ERMP1: variants seen among roughly 807,000 people sequenced by gnomAD.
ERMP1 encodes Felix-ina.
A neutral mutation model predicts 92.0 loss-of-function variants in ERMP1; 86 were observed. The ratio of observed to expected loss-of-function variants is 0.93; its 90% CI spans 0.79 to 1.12. The LOEUF (loss-of-function observed/expected upper bound fraction) is 1.12, where lower values mean the gene tolerates loss of function less well. Ranked by LOEUF, ERMP1 falls within the 50% of genes most tolerant of loss-of-function variation. The pLI, the probability that ERMP1 is intolerant of heterozygous loss-of-function variation, is 0.00. For missense variants in ERMP1, 1,342 were observed against 1,116.3 expected (o/e 1.20, Z -2.88); for synonymous variants, 530 against 412.8 (o/e 1.28, Z -3.44).
At chr9:5,792,298 A>G (rs1203729653) in intron 13 of ERMP1, among the ~76,000 whole-genome samples, 1 of 152,234 alleles carries the variant, frequency 6.6e-6, no homozygotes, top group Non-Finnish European at 1.5e-5. Flanking sequence ...GATATTTGAA[A>G]GATAAACTGG....
chr9:5,796,921 T>C (rs758446824), intron 13 of ERMP1, among the ~76,000 whole-genome samples: 2 of 152,118 alleles, frequency 1.3e-5, no homozygotes, highest in Non-Finnish European at 2.9e-5. Context: ...GGTGCATCAG[T>C]TTTAACAAAT....
intron 4 of ERMP1, among the ~76,000 whole-genome samples, chr9:5,819,936 A>G (rs1829465975): frequency 6.6e-6 from 1 of 152,206 alleles, no homozygotes; most frequent in African/African-American, 2.4e-5. Context: ...ATTGATTATG[A>G]TGATGATTGC....
At chr9:5,791,294 A>C (rs1019588704) in intron 13 of ERMP1, 9 of 456,476 alleles carry the variant, frequency 2.0e-5, no homozygotes, top group Middle Eastern at 3.4e-4. Context: ...TGAAGAAAAA[A>C]GTCACAGTAT....
rs1829154861 is a variant in ERMP1 at position 5,812,879 on chromosome 9, G to T, written c.1021+10C>A. The stretch of plus-strand genomic sequence containing the variant: ...TGCTGCACAGTAGGCCGTAACCATT[G>T]ACAATATACCTGGAATGTTCCCAAA... On this transcript the variant is annotated intron_variant, in intron 5 of 14. Coordinates refer to ENST00000339450, the MANE Select transcript of ERMP1 (RefSeq NM_024896.3). 1.2e-6 allele frequency: 2 copies of T among 1,613,650 alleles called. No homozygotes were observed. The highest frequency in any genetic ancestry group is 8.5e-7 in the Non-Finnish European group (1 of 1,179,808).
At chr9:5,834,977 ATGTGTGTGTGTGTGTGTGTGTGTG>A (rs71326191), upstream of ERMP1, among the ~76,000 whole-genome samples, 69 of 125,198 alleles carry the variant, frequency 5.5e-4, no homozygotes, top group Non-Finnish European at 8.5e-4. Context: ...GGATAGATAG[ATGTGTGTGTGTGTGTGTGTGTGTG>A]TGTGTGTGTG....
In ERMP1 at chr9:5,825,148, C is replaced by T; in HGVS notation, c.712G>A (p.Ala238Thr). 6.2e-7 allele frequency: 1 copy of T among 1,614,108 alleles called. No homozygotes were observed. Among genetic ancestry groups the T allele is most frequent in the Non-Finnish European group, 8.5e-7 (1 of 1,179,948 alleles). Residue 238 changes from alanine (A) to threonine (T), a missense_variant, in exon 3 of 15, where the codon GCC (alanine) becomes ACC (threonine). Transcript: ENST00000339450. ...VLRVLSTSSE[A>T]LHHAVIFLFN... is the part of the protein sequence containing the mutation. ...AGAAATATGACAGCATGATGCAAGG[C>T]TTCTGAAGATGTTGACAAGACGCGA...
intron 5 of ERMP1, among the ~76,000 whole-genome samples, chr9:5,865,636 C>T (rs1434782135): frequency 6.6e-6 from 1 of 151,328 alleles, no homozygotes; most frequent in Non-Finnish European, 1.5e-5. Context: ...AGTTTGAGAC[C>T]AGCCTGGCCA....
chr9:5,789,452 T>G (rs1441426507), intron 13 of ERMP1, among the ~76,000 whole-genome samples: 2 of 152,226 alleles, frequency 1.3e-5, no homozygotes, highest in Non-Finnish European at 2.9e-5. Flanking sequence ...AAAACCAATT[T>G]TAACCATACA....
At chr9:5,795,901 G>A (rs143553546) in intron 13 of ERMP1, among the ~76,000 whole-genome samples, 3 of 152,224 alleles carry the variant, frequency 2.0e-5, no homozygotes, top group African/African-American at 4.8e-5. Flanking sequence ...GGATATGAGG[G>A]TAATAATCTG....
rs764987253 is a variant in ERMP1 at position 5,832,882 on chromosome 9, G to A, written c.146C>T (p.Thr49Met). ...LVDGCSGGGR[T>M]RKRSPGGSGG... The stretch of plus-strand genomic sequence containing the variant: ...GCTACCCCCGGGGCTCCTCTTCCGC[G>A]TCCTCCCGCCGCCGCTGCACCCATC... The change falls in exon 1 of 15, where the codon ACG becomes ATG. Residue 49 changes from threonine to methionine, a missense_variant. By Grantham distance (81) the Thr-to-Met change is moderately conservative. Transcript: ENST00000339450. The A allele has an allele frequency of 5.0e-5, 77 of 1,534,116 alleles. No individual in the cohort carries two copies. Among genetic ancestry groups the A allele is most frequent in the South Asian group, 9.6e-5 (8 of 83,238 alleles).
At chr9:5,813,413 T>G (rs1468452649) in intron 4 of ERMP1, among the ~76,000 whole-genome samples, 1 of 152,216 alleles carries the variant, frequency 6.6e-6, no homozygotes, top group African/African-American at 2.4e-5. Context: ...TTGTTTTCAC[T>G]TAACATTATA....
At chr9:5,825,418 A>G (rs1829695332) in intron 2 of ERMP1, among the ~76,000 whole-genome samples, 199 bp from the exon 3 acceptor site, 1 of 152,210 alleles carries the variant, frequency 6.6e-6, no homozygotes, top group South Asian at 2.1e-4. Context: ...TGGTTTGCTC[A>G]CTGACTTACT....
intron 6 of ERMP1, among the ~76,000 whole-genome samples, chr9:5,853,230 C>T (rs971384879): frequency 4.6e-5 from 7 of 152,124 alleles, no homozygotes; most frequent in African/African-American, 1.7e-4. Context: ...AAATTTATGC[C>T]ACCTTCACAA....
At chr9:5,813,359 T>C (rs900243672) in intron 4 of ERMP1, among the ~76,000 whole-genome samples, 6 of 152,228 alleles carry the variant, frequency 3.9e-5, no homozygotes, top group Non-Finnish European at 5.9e-5. Context: ...TAATGTAGAA[T>C]TGTGTGTATA....
chr9:5,840,260 G>C (rs1003746820), intron 6 of ERMP1, among the ~76,000 whole-genome samples: 1 of 152,078 alleles, frequency 6.6e-6, no homozygotes, highest in East Asian at 1.9e-4. Context: ...GAAAGAGAGA[G>C]AGAGAAGAGA....
intron 10 of ERMP1, among the ~76,000 whole-genome samples, chr9:5,802,093 TAAG>T (rs1828695704): frequency 6.6e-6 from 1 of 152,228 alleles, no homozygotes; most frequent in Non-Finnish European, 1.5e-5. Context: ...GAAATTGTTC[TAAG>T]AAGCCACATT....
intron 5 of ERMP1, among the ~76,000 whole-genome samples, chr9:5,864,489 T>C (rs950702640): frequency 3.3e-5 from 5 of 152,202 alleles, no homozygotes; most frequent in African/African-American, 9.6e-5. Flanking sequence ...TGTTGAGCTA[T>C]CCTTCCCAGG....
intron 13 of ERMP1, among the ~76,000 whole-genome samples, chr9:5,797,006 A>T (rs1828452896): frequency 6.6e-6 from 1 of 151,954 alleles, no homozygotes; most frequent in Non-Finnish European, 1.5e-5. Context: ...TTTCTACTTA[A>T]TTTTTCTGTA....
rs1032544697 is a variant in ERMP1, at chr9:5,786,206, C to T, written c.*938G>A. ...ACCATGAAGGACTAACCTTGTATAA[C>T]ACAAGACTCCTATGAAACAAAGAAA... On this transcript the variant is annotated 3_prime_UTR_variant, in exon 15 of 15. Transcript: ENST00000339450. 1 of 152,154 alleles carries T rather than the reference C, an allele frequency of 6.6e-6. No homozygotes were observed. The highest frequency in any genetic ancestry group is 2.4e-5 in the African/African-American group (1 of 41,408). 9.4% of individuals were successfully genotyped at this position (152,154 alleles called of 1,614,324 possible).
Sources: allele counts gnomAD v4.1 joint callset (sites outside exome capture counted in the v4.1 genomes callset), GRCh38; gene constraint gnomAD v4.1.1; transcripts MANE v1.5; gene names NCBI Gene and HGNC (gene_info 2026-07-23, HGNC 2026-07-21).